PIN1: variants seen among roughly 807,000 people sequenced by gnomAD.
The protein encoded by PIN1 is peptidylprolyl cis/trans isomerase, NIMA-interacting 1.
Under a neutral mutation model 19.9 loss-of-function variants are expected in PIN1, and 8 were observed. The ratio of observed to expected loss-of-function variants is 0.40; its 90% CI spans 0.24 to 0.72. PIN1 has a LOEUF of 0.72. PIN1 is among the 30% of genes least tolerant of loss of function. The pLI is 0.37. For synonymous variants in PIN1, 86 were observed against 90.8 expected (o/e 0.95, Z 0.30); for missense variants, 185 against 226.5 (o/e 0.82, Z 1.18).
At chr19:9,843,269 T>A (rs2145414621) in intron 2 of PIN1, among the ~76,000 whole-genome samples, 1 of 152,360 alleles carries the variant, frequency 6.6e-6, no homozygotes, top group East Asian at 1.9e-4. Context: ...CTGGCGCCCT[T>A]CCAGCCTGCT....
rs577458075 is a variant in PIN1 at position 9,842,051 on chromosome 19, G to A, written c.271+3403G>A. On this transcript the variant is annotated intron_variant, in intron 2 of 3. Coordinates refer to ENST00000247970, the MANE Select transcript of PIN1 (RefSeq NM_006221.4). Reference sequence around the variant, plus strand: ...ACAGGTGCACCTGGTAAGTAGCCAGGCCCTGAGGCGTCACCGTAGGTACCT... The same window carrying A: ...ACAGGTGCACCTGGTAAGTAGCCAGACCCTGAGGCGTCACCGTAGGTACCT... Among the ~76,000 whole-genome samples, 43 of 152,290 alleles carry A rather than the reference G, an allele frequency of 2.8e-4. 1 individual carries two copies. The South Asian group carries it at 8.7e-3, about 31-fold the overall frequency.
At chr19:9,842,384 G>A (rs985819271) in intron 2 of PIN1, among the ~76,000 whole-genome samples, 2 of 152,202 alleles carry the variant, frequency 1.3e-5, no homozygotes, top group African/African-American at 4.8e-5. Flanking sequence ...TGCCTCATCT[G>A]TAGAATGGGG....
At chr19:9,835,427 C>T (rs1421393683) in intron 1 of PIN1, 25 bp downstream of exon 1, 4 of 1,184,444 alleles carry the variant, frequency 3.4e-6, no homozygotes, top group South Asian at 1.4e-5. Context: ...GGGGCTGGGG[C>T]GGGACTGCGC....
intron 2 of PIN1, among the ~76,000 whole-genome samples, chr19:9,842,919 G>A (rs549612402): frequency 2.6e-5 from 4 of 152,336 alleles, no homozygotes; most frequent in Non-Finnish European, 4.4e-5. Context: ...CTGGTGCTCC[G>A]CCCTTGCCCC....
Position 9,838,456 on chromosome 19 carries a change from C to T in PIN1, c.79C>T (p.His27Tyr). The stretch of plus-strand genomic sequence containing the variant: ...TCCAGGCCGAGTGTACTACTTCAAC[C>T]ACATCACTAACGCCAGCCAGTGGGA... Reference protein sequence around the residue: ...RSSGRVYYFNHITNASQWERP... With the variant: ...RSSGRVYYFNYITNASQWERP... Residue 27 changes from histidine to tyrosine, a missense_variant, in exon 2 of 4, where the codon CAC becomes TAC. Physicochemically the swap from His to Tyr is moderately conservative, Grantham distance 83. Coordinates refer to ENST00000247970, the MANE Select transcript of PIN1 (RefSeq NM_006221.4). The surrounding 1 kb of genome is among the most constrained non-coding windows in gnomAD (Gnocchi z 5.8). The T allele has an allele frequency of 6.2e-7, 1 of 1,607,092 alleles. No homozygotes were observed. Among genetic ancestry groups the T allele is most frequent in the Middle Eastern group, 1.9e-4 (1 of 5,298 alleles).
intron 2 of PIN1, among the ~76,000 whole-genome samples, chr19:9,847,107 C>T (rs1365737534): frequency 6.6e-6 from 1 of 152,136 alleles, no homozygotes; most frequent in African/African-American, 2.4e-5. Flanking sequence ...GTAGCCATTC[C>T]TCCTGACCTG....
At position 9,846,399 on chromosome 19, in the gene PIN1, C is replaced by G. The variant is rs765276479; in HGVS notation, c.272-1631C>G. 4.6e-5 allele frequency among the ~76,000 whole-genome samples: 7 copies of G among 152,152 alleles called. No individual in the cohort carries two copies. Among genetic ancestry groups the G allele is most frequent in the Non-Finnish European group, 1.0e-4 (7 of 68,016 alleles). On this transcript the variant is annotated intron_variant, in intron 2 of 3. Transcript: ENST00000247970. This position sits in a 1 kb window ranked among gnomAD's most constrained non-coding sequence, Gnocchi z 5.9. The stretch of plus-strand genomic sequence containing the variant: ...TCAGGGTCCTGCTCGGTGCCGGGCA[C>G]TATGCTGCATGTCACAGCCACTGGC...
rs1297541631 is a variant in PIN1 at position 9,846,903 on chromosome 19, C to T, written c.272-1127C>T. 1.3e-5 allele frequency among the ~76,000 whole-genome samples: 2 copies of T among 152,156 alleles called. No homozygotes were observed. Among genetic ancestry groups the T allele is most frequent in the Admixed American group, 6.5e-5 (1 of 15,286 alleles). The stretch of plus-strand genomic sequence containing the variant: ...AAGAACTGGTGTCCCTGGAGAGTGG[C>T]TGCCAGGCCTTAGGGTACACGGGGC... On this transcript the variant is annotated intron_variant, in intron 2 of 3. Coordinates refer to ENST00000247970, the MANE Select transcript of PIN1 (RefSeq NM_006221.4). The surrounding 1 kb of genome is among the most constrained non-coding windows in gnomAD (Gnocchi z 5.9).
chr19:9,844,229 C>T (rs1312306765), intron 2 of PIN1, among the ~76,000 whole-genome samples: 2 of 150,118 alleles, frequency 1.3e-5, no homozygotes, highest in Admixed American at 6.6e-5. Flanking sequence ...CAGCTTGGAT[C>T]TGTCAGGGGC....
At chr19:9,839,172 G>A (rs2046141138) in intron 2 of PIN1, among the ~76,000 whole-genome samples, 2 of 152,068 alleles carry the variant, frequency 1.3e-5, no homozygotes, top group Admixed American at 6.5e-5. Flanking sequence ...GGTGGCTCAC[G>A]CCTGTAATCC....
chr19:9,849,012 C>T (rs993412906), intron 3 of PIN1, 78 bp from the exon 4 acceptor site: 18 of 839,584 alleles, frequency 2.1e-5, no homozygotes, highest in Admixed American at 7.9e-5. Flanking sequence ...CCATCTGTCG[C>T]GGCTGCCACC....
At chr19:9,843,510 A>G (rs2046189291) in intron 2 of PIN1, among the ~76,000 whole-genome samples, 2 of 152,260 alleles carry the variant, frequency 1.3e-5, no homozygotes, top group Admixed American at 1.3e-4. Flanking sequence ...TAGGTCACTG[A>G]TGTGCATTAG....
intron 2 of PIN1, among the ~76,000 whole-genome samples, chr19:9,841,737 G>A (rs2046168216): frequency 6.6e-6 from 1 of 152,160 alleles, no homozygotes; most frequent in Non-Finnish European, 1.5e-5. Context: ...AGAAGTGGAG[G>A]GAGAAGCCAG....
At chr19:9,848,317 C>T (rs2046242285) in intron 3 of PIN1, 177 bp downstream of exon 3, 6 of 610,732 alleles carry the variant, frequency 9.8e-6, no homozygotes, top group Non-Finnish European at 1.8e-5. Flanking sequence ...GGGCCAGGGC[C>T]ACACAGGGAG....
At chr19:9,842,326 G>A (rs940488161) in intron 2 of PIN1, among the ~76,000 whole-genome samples, 2 of 152,168 alleles carry the variant, frequency 1.3e-5, no homozygotes, top group African/African-American at 2.4e-5. Context: ...CTCGTACAGG[G>A]CTGGATTTCA....
At chr19:9,841,927 C>T (rs922901969) in intron 2 of PIN1, among the ~76,000 whole-genome samples, 3 of 152,120 alleles carry the variant, frequency 2.0e-5, no homozygotes, top group Non-Finnish European at 4.4e-5. Flanking sequence ...CCAAGCAATC[C>T]TGATGAGAGC....
chr19:9,847,328 G>A (rs777510299), intron 2 of PIN1, among the ~76,000 whole-genome samples: 4 of 152,184 alleles, frequency 2.6e-5, no homozygotes, highest in Non-Finnish European at 5.9e-5. Flanking sequence ...AGTCAGAGCC[G>A]ATGGGCTAGT....
chr19:9,844,049 CAAA>C (rs919440454), intron 2 of PIN1, among the ~76,000 whole-genome samples: 1 of 146,754 alleles, frequency 6.8e-6, no homozygotes, highest in Non-Finnish European at 1.5e-5. Flanking sequence ...GATTCTGCCT[CAAA>C]AAAAAAAGGG....
intron 1 of PIN1, 29 bp downstream of exon 1, chr19:9,835,431 A>G: frequency 1.4e-6 from 2 of 1,438,766 alleles, no homozygotes; most frequent in South Asian, 2.7e-5. Flanking sequence ...CTGGGGCGGG[A>G]CTGCGCGGGC....
Sources: allele counts gnomAD v4.1 joint callset (sites outside exome capture counted in the v4.1 genomes callset), GRCh38; gene constraint gnomAD v4.1.1; non-coding constraint Gnocchi (gnomAD v3.1); transcripts MANE v1.5; gene names NCBI Gene and HGNC (gene_info 2026-07-23, HGNC 2026-07-21).